Variants in HTR3C observed in about 807,000 individuals in gnomAD.
HTR3C encodes the protein 5-hydroxytryptamine receptor 3C, also known as 5-HT3-C.
Under a neutral mutation model 40.5 loss-of-function variants are expected in HTR3C, and 32 were observed. That is an observed-to-expected ratio of 0.79 (90% CI 0.60 to 1.06). The LOEUF (loss-of-function observed/expected upper bound fraction) is 1.06, where lower values mean the gene tolerates loss of function less well. Ranked by LOEUF, HTR3C falls within the 50% of genes least tolerant of loss-of-function variation. HTR3C has a pLI of 0.00. For synonymous variants in HTR3C, 209 were observed against 217.1 expected (o/e 0.96, Z 0.33); for missense variants, 523 against 556.8 (o/e 0.94, Z 0.61).
At chr3:184,056,085 G>A in intron 3 of HTR3C, 92 bp from the exon 4 acceptor site, 1 of 785,450 alleles carries the variant, frequency 1.3e-6, no homozygotes, top group East Asian at 2.5e-5. Context: ...GGAGTGGGAG[G>A]ATCAAGGTTT....
chr3:184,060,524 C>T lies in HTR3C; in HGVS notation c.*172C>T, dbSNP rs556206463. 6.2e-5 allele frequency: 48 copies of T among 778,110 alleles called. No individual in the cohort carries two copies. The highest frequency in any genetic ancestry group is 2.7e-4 in the East Asian group (10 of 37,330). The allele number at this position is 778,110 out of a possible 1,614,324, so 48.2% of individuals were successfully genotyped here. A position where few individuals can be genotyped will look rare whatever the true frequency, so the allele number is the denominator to read the frequency against. ...CAAGCAGGTTCGGGACAGCCCTGGA[C>T]GATTTCCCGACCGCTGCTCAGGCTG... On this transcript the variant is annotated 3_prime_UTR_variant, in exon 9 of 9. Transcript: ENST00000318351.
At chr3:184,053,794 G>A (rs745753188) in intron 1 of HTR3C, among the ~76,000 whole-genome samples, 20 of 151,658 alleles carry the variant, frequency 1.3e-4, no homozygotes, top group Non-Finnish European at 1.8e-4. Flanking sequence ...TCGCTCTGTC[G>A]CCCAGGCTGG....
intron 2 of HTR3C, 102 bp from the exon 3 acceptor site, chr3:184,055,210 A>G (rs1723300033): frequency 3.6e-6 from 3 of 838,098 alleles, no homozygotes; most frequent in Non-Finnish European, 6.2e-6. Flanking sequence ...CATCTACAAC[A>G]ATGCCTGGCC....
intron 5 of HTR3C, among the ~76,000 whole-genome samples, chr3:184,058,054 A>ATTTAAATTTT (rs1723365751): frequency 2.6e-5 from 4 of 152,284 alleles, no homozygotes; most frequent in African/African-American, 9.6e-5. Flanking sequence ...AACCATCAAA[A>ATTTAAATTTT]TGGGCATGCC....
At chr3:184,058,791 C>T (rs776654140) in intron 6 of HTR3C, among the ~76,000 whole-genome samples, 18 of 151,914 alleles carry the variant, frequency 1.2e-4, no homozygotes, top group Admixed American at 3.9e-4. Flanking sequence ...GGTGAAACCC[C>T]GTCTCTAATT....
chr3:184,059,459 C>A lies in HTR3C; in HGVS notation c.744C>A (p.Ser248Arg). ...AGGTGGCCATCAGGCGCAGGCCAAG[C>A]CTCTACATCATAAACCTGCTGGTGC... is the stretch of plus-strand genomic sequence containing the variant. ...MFYVAIRRRP[S>R]LYIINLLVPS... The change falls in exon 7 of 9, where the codon AGC becomes AGA. Residue 248 changes from serine (S) to arginine (R), a missense_variant. Transcript: ENST00000318351. 6.2e-7 allele frequency: 1 copy of A among 1,614,218 alleles called. No individual in the cohort carries two copies. The highest frequency in any genetic ancestry group is 8.5e-7 in the Non-Finnish European group (1 of 1,180,040).
chr3:184,056,820 G>C, intron 4 of HTR3C, 55 bp from the exon 5 acceptor site: 1 of 1,486,946 alleles, frequency 6.7e-7, no homozygotes. Context: ...ACCCCAGAAG[G>C]AAGGGAGACA....
At chr3:184,058,214 C>T (rs188711967) in intron 5 of HTR3C, among the ~76,000 whole-genome samples, 1 of 152,312 alleles carries the variant, frequency 6.6e-6, no homozygotes, top group African/African-American at 2.4e-5. Context: ...GAACTTGACT[C>T]ACTCTTGTTT....
Position 184,060,510 on chromosome 3 carries a change from G to A in HTR3C, c.*158G>A, listed in dbSNP as rs6807670. The A allele has an allele frequency of 0.62, 575,751 of 927,970 alleles. 180,257 individuals carry two copies. Among genetic ancestry groups the A allele is most frequent in the East Asian group, 0.76 (29,569 of 39,134 alleles). 57.5% of individuals were successfully genotyped at this position (927,970 alleles called of 1,614,324 possible). A position where few individuals can be genotyped will look rare whatever the true frequency, so the allele number is the denominator to read the frequency against. The stretch of plus-strand genomic sequence containing the variant: ...CAACGCAGCACTAGCAAGCAGGTTC[G>A]GGACAGCCCTGGACGATTTCCCGAC... On this transcript the variant is annotated 3_prime_UTR_variant, in exon 9 of 9. Coordinates refer to ENST00000318351, the MANE Select transcript of HTR3C (RefSeq NM_130770.3).
At chr3:184,057,958 A>C (rs1407044116) in intron 5 of HTR3C, among the ~76,000 whole-genome samples, 5 of 152,070 alleles carry the variant, frequency 3.3e-5, no homozygotes, top group African/African-American at 9.7e-5. Flanking sequence ...AAATCTTTTA[A>C]CTCTAATAGC....
In HTR3C at chr3:184,057,041, A is replaced by G. The variant is rs144565643; in HGVS notation, c.556A>G (p.Thr186Ala). 689 of 1,606,152 alleles carry G rather than the reference A, an allele frequency of 4.3e-4. 1 individual carries two copies. Among genetic ancestry groups the G allele is most frequent in the Non-Finnish European group, 5.6e-4 (662 of 1,174,528 alleles). The change falls in exon 5 of 9, where the codon ACA becomes GCA. Residue 186 changes from threonine to alanine, a missense_variant. Physicochemically the swap from Thr to Ala is moderately conservative, Grantham distance 58. Transcript: ENST00000318351. The part of the protein sequence containing the change: ...CTFTFSSFLY[T>A]VDSMLLGMDK... ...CTTCACCTTCAGTTCTTTCCTCTAC[A>G]CAGGTAAGTGTGACACATTTTGGTA... is the stretch of plus-strand genomic sequence containing the variant.
chr3:184,059,241 T>C (rs764586851), intron 6 of HTR3C, among the ~76,000 whole-genome samples, 195 bp from the exon 7 acceptor site: 6 of 152,138 alleles, frequency 3.9e-5, no homozygotes, highest in Non-Finnish European at 8.8e-5. Context: ...GTGTTCCTAG[T>C]AGGTTAAAAA....
At chr3:184,056,755 C>A (rs1401675530) in intron 4 of HTR3C, 120 bp from the exon 5 acceptor site, 7 of 954,186 alleles carry the variant, frequency 7.3e-6, no homozygotes, top group Non-Finnish European at 7.4e-6. Flanking sequence ...TCAAAAACAA[C>A]AAAAAAATAA....
At position 184,058,564 on chromosome 3, in the gene HTR3C, C is replaced by A. The variant is rs1723378191; in HGVS notation, c.697C>A (p.Leu233Ile). 1 of 1,612,662 alleles carries A rather than the reference C, an allele frequency of 6.2e-7. No individual in the cohort carries two copies. The highest frequency in any genetic ancestry group is 1.7e-5 in the Admixed American group (1 of 59,732). ...CCCAAAGATGTCCATGGGCAACAACCTATATGACCAGATCATGTTTTATGT... is the reference window on the plus strand; with the variant it reads ...CCCAAAGATGTCCATGGGCAACAACATATATGACCAGATCATGTTTTATGT... ...ATPKMSMGNN[L>I]YDQIMFYVAI... Residue 233 changes from leucine to isoleucine, a missense_variant, in exon 6 of 9, where the codon CTA (leucine) becomes ATA (isoleucine). Coordinates refer to ENST00000318351, the MANE Select transcript of HTR3C (RefSeq NM_130770.3).
chr3:184,054,717 A>C lies in HTR3C; in HGVS notation c.68-4A>C, dbSNP rs778311364. 1 of 1,585,806 alleles carries C rather than the reference A, an allele frequency of 6.3e-7. No individual in the cohort carries two copies. ...CTCTCTCACGGAGTCTCTGCTCTCT[A>C]TAGGAAGAGGCGACGCTTTTACCAT... On this transcript the variant is annotated splice_region_variant and splice_polypyrimidine_tract_variant and intron_variant, in intron 1 of 8. Transcript: ENST00000318351.
At chr3:184,058,347 C>G in intron 5 of HTR3C, 80 bp from the exon 6 acceptor site, 21 of 1,409,550 alleles carry the variant, frequency 1.5e-5, no homozygotes, top group Non-Finnish European at 1.9e-5. Context: ...GGTTTAGAAG[C>G]TCAGTGGGGG....
Position 184,054,032 on chromosome 3 carries a change from C to T in HTR3C, c.68-689C>T, listed in dbSNP as rs567519204. ...CCTCCCAAAGTGCTGGGATTACAGG[C>T]GTGAGTCACCGCGCCCGGCACACCG... On this transcript the variant is annotated intron_variant, in intron 1 of 8. Transcript: ENST00000318351. Among the ~76,000 whole-genome samples, 121 of 151,520 alleles carry T rather than the reference C, an allele frequency of 8.0e-4. 1 individual carries two copies. In the South Asian group the frequency reaches 0.023, roughly 29 times the overall value.
intron 5 of HTR3C, 45 bp downstream of exon 5, chr3:184,057,089 C>T: frequency 1.5e-6 from 2 of 1,372,144 alleles, no homozygotes; most frequent in Non-Finnish European, 2.0e-6. Context: ...TCAGGGAAGA[C>T]ATTTGAGTGG....
chr3:184,053,354 C>A (rs1723261130), intron 1 of HTR3C, among the ~76,000 whole-genome samples: 3 of 152,164 alleles, frequency 2.0e-5, no homozygotes, highest in Admixed American at 2.0e-4. Flanking sequence ...GCACAGGGAT[C>A]TATCAAACTG....
Sources: allele counts gnomAD v4.1 joint callset (sites outside exome capture counted in the v4.1 genomes callset), GRCh38; gene constraint gnomAD v4.1.1; transcripts MANE v1.5; gene names NCBI Gene and HGNC (gene_info 2026-07-23, HGNC 2026-07-21).